Variants in TMEM62 observed in about 807,000 individuals in gnomAD.
The protein encoded by TMEM62 is transmembrane protein 62.
In TMEM62, 41 loss-of-function variants were observed where a neutral mutation model predicts 70.4. The ratio of observed to expected loss-of-function variants is 0.58; its 90% CI spans 0.45 to 0.76. The LOEUF is 0.76. Ranked by LOEUF, TMEM62 falls within the 30% of genes least tolerant of loss-of-function variation. The probability of loss-of-function intolerance (pLI) is 0.00; values close to 1 mark genes in which losing one functional copy is unlikely to be tolerated. For missense variants in TMEM62, 688 were observed against 788.5 expected (o/e 0.87, Z 1.53); for synonymous variants, 268 against 291.0 (o/e 0.92, Z 0.80).
At chr15:43,150,905 T>C (rs1341196276) in intron 7 of TMEM62, among the ~76,000 whole-genome samples, 1 of 152,262 alleles carries the variant, frequency 6.6e-6, no homozygotes, top group Non-Finnish European at 1.5e-5. Context: ...TGAGCACTAT[T>C]GTTTCTGCCA....
Position 43,138,590 on chromosome 15 carries a change from A to C in TMEM62, c.447A>C (p.Pro149=). 6.2e-7 allele frequency: 1 copy of C among 1,600,982 alleles called. No individual in the cohort carries two copies. Among genetic ancestry groups the C allele is most frequent in the South Asian group, 1.1e-5 (1 of 89,970 alleles). ...TTAAATTAGATGCATTCAATATTCC[A>C]AGTCTGGACAGCATCAAGAATTATT... ...IKGNHDAFNI[P]SLDSIKNYYR... Residue 149 remains proline, a synonymous_variant, in exon 4 of 14, where the codon CCA becomes CCC. Coordinates refer to ENST00000260403, the MANE Select transcript of TMEM62 (RefSeq NM_024956.4).
chr15:43,134,197 C>A (rs2034843945), intron 1 of TMEM62, 60 bp from the exon 2 acceptor site: 3 of 1,562,730 alleles, frequency 1.9e-6, no homozygotes, highest in African/African-American at 2.7e-5. Flanking sequence ...GCTGAGCCGC[C>A]CCTCCCCATG....
At position 43,134,266 on chromosome 15, in the gene TMEM62, A is replaced by T. The variant is rs1372032639; in HGVS notation, c.190A>T (p.Ile64Phe). Residue 64 changes from isoleucine to phenylalanine, a missense_variant, in exon 2 of 14, where the codon ATT (isoleucine) becomes TTT (phenylalanine). Coordinates refer to ENST00000260403, the MANE Select transcript of TMEM62 (RefSeq NM_024956.4). ...TACCTGTTTTCGGCAGATATCCGAC[A>T]TTCACCTGAGCAGGTTTCGAGATCC... ...NIFWGLQISD[I>F]HLSRFRDPGR... 6.2e-7 allele frequency: 1 copy of T among 1,614,038 alleles called. No homozygotes were observed. The highest frequency in any genetic ancestry group is 1.3e-5 in the African/African-American group (1 of 74,930).
At chr15:43,154,641 A>G (rs1040427560) in intron 8 of TMEM62, 31 bp from the exon 9 acceptor site, 4 of 1,575,364 alleles carry the variant, frequency 2.5e-6, no homozygotes, top group Non-Finnish European at 2.6e-6. Context: ...CAAACCTCAA[A>G]CCATGTGTTT....
chr15:43,183,308 C>A (rs980918218), intron 13 of TMEM62, among the ~76,000 whole-genome samples: 1 of 152,222 alleles, frequency 6.6e-6, no homozygotes, highest in African/African-American at 2.4e-5. Context: ...TGCCTCCTTA[C>A]TCTCAGCTTA....
At chr15:43,169,309 T>G (rs1376036541) in intron 10 of TMEM62, among the ~76,000 whole-genome samples, 2 of 152,228 alleles carry the variant, frequency 1.3e-5, no homozygotes, top group Non-Finnish European at 2.9e-5. Context: ...GGGCTTGTTA[T>G]GAATAACAAT....
At position 43,133,868 on chromosome 15, in the gene TMEM62, C is replaced by A; in HGVS notation, c.66C>A (p.Leu22=). 1 of 1,497,536 alleles carries A rather than the reference C, an allele frequency of 6.7e-7. No homozygotes were observed. The highest frequency in any genetic ancestry group is 1.5e-5 in the African/African-American group (1 of 68,960). 92.8% of individuals were successfully genotyped at this position (1,497,536 alleles called of 1,614,324 possible). A position where few individuals can be genotyped will look rare whatever the true frequency, so the allele number is the denominator to read the frequency against. ...GLAAAALVAM[L]LEHYGLAGQP... ...CGGCCGCAGCGCTGGTGGCCATGCTCTTGGAGCACTACGGCCTGGCGGGCC... is the reference window on the plus strand; with the variant it reads ...CGGCCGCAGCGCTGGTGGCCATGCTATTGGAGCACTACGGCCTGGCGGGCC... Residue 22 remains leucine (L), a synonymous_variant, in exon 1 of 14, where the codon CTC becomes CTA. Transcript: ENST00000260403.
chr15:43,162,548 C>T (rs2038874323), intron 10 of TMEM62, among the ~76,000 whole-genome samples: 1 of 151,956 alleles, frequency 6.6e-6, no homozygotes, highest in Non-Finnish European at 1.5e-5. Context: ...TCTCTTACCT[C>T]AGTCTCCTGA....
intron 5 of TMEM62, among the ~76,000 whole-genome samples, chr15:43,147,742 T>C (rs2036853300): frequency 6.6e-6 from 1 of 152,216 alleles, no homozygotes; most frequent in African/African-American, 2.4e-5. Context: ...TTGATGAACT[T>C]ATATTAAATC....
intron 4 of TMEM62, among the ~76,000 whole-genome samples, chr15:43,141,163 C>T (rs1231661283): frequency 6.6e-6 from 1 of 152,210 alleles, no homozygotes; most frequent in East Asian, 1.9e-4. Flanking sequence ...GGGAGAAGCA[C>T]TGAATGAAAT....
chr15:43,164,184 A>G (rs1252558496), intron 10 of TMEM62, among the ~76,000 whole-genome samples: 2 of 152,220 alleles, frequency 1.3e-5, no homozygotes, highest in African/African-American at 2.4e-5. Flanking sequence ...TGCTGAAGCA[A>G]TTTATAATTT....
intron 9 of TMEM62, among the ~76,000 whole-genome samples, chr15:43,157,463 A>G (rs979389592): frequency 1.3e-5 from 2 of 152,210 alleles, no homozygotes; most frequent in South Asian, 2.1e-4. Flanking sequence ...AAACAATAAC[A>G]TAGTTTAATA....
At chr15:43,146,410 G>A in intron 4 of TMEM62, 83 bp from the exon 5 acceptor site, 2 of 1,304,088 alleles carry the variant, frequency 1.5e-6, no homozygotes, top group Non-Finnish European at 2.1e-6. Flanking sequence ...TTCAAAGGAA[G>A]GTAAAATCTA....
chr15:43,172,080 A>G (rs1223096326), intron 11 of TMEM62, among the ~76,000 whole-genome samples: 4 of 152,188 alleles, frequency 2.6e-5, no homozygotes, highest in Non-Finnish European at 5.9e-5. Context: ...GGAGTTTACT[A>G]TTTACTAATA....
chr15:43,171,524 CAAAA>C (rs200614734), intron 11 of TMEM62, among the ~76,000 whole-genome samples: 1 of 148,320 alleles, frequency 6.7e-6, no homozygotes. Flanking sequence ...TACCATAAGA[CAAAA>C]AAATTACTTA....
At chr15:43,181,090 C>G in intron 12 of TMEM62, 91 bp from the exon 13 acceptor site, 4 of 854,770 alleles carry the variant, frequency 4.7e-6, no homozygotes, top group Non-Finnish European at 7.9e-6. Context: ...TCTCATATCT[C>G]TGCTTTATTC....
chr15:43,162,596 TA>T (rs1412619025), intron 10 of TMEM62, among the ~76,000 whole-genome samples: 5 of 151,898 alleles, frequency 3.3e-5, no homozygotes, highest in Non-Finnish European at 5.9e-5. Flanking sequence ...CATGCCCGGC[TA>T]ATTTTTGTAT....
At position 43,135,533 on chromosome 15, in the gene TMEM62, C is replaced by T. The variant is rs539515162; in HGVS notation, c.314C>T (p.Thr105Ile). ...LATGDLTDAK[T>I]KEQLGSRQHE... ...ACAGGAGACCTGACAGATGCCAAAA[C>T]AAAGGAACAGTTGGGATCCAGGCAG... Residue 105 changes from threonine (T) to isoleucine (I), a missense_variant, in exon 3 of 14, where the codon ACA becomes ATA. Physicochemically the swap from Thr to Ile is moderately conservative, Grantham distance 89. Coordinates refer to ENST00000260403, the MANE Select transcript of TMEM62 (RefSeq NM_024956.4). 1.2e-5 allele frequency: 20 copies of T among 1,606,314 alleles called. No individual in the cohort carries two copies. The African/African-American group carries it at 1.6e-4, about 13-fold the overall frequency.
chr15:43,148,997 T>A (rs1171497750), intron 6 of TMEM62, 32 bp from the exon 7 acceptor site: 1 of 1,611,778 alleles, frequency 6.2e-7, no homozygotes, highest in Non-Finnish European at 8.5e-7. Flanking sequence ...GTTATCTTTG[T>A]TCATTTATTT....
Sources: allele counts gnomAD v4.1 joint callset (sites outside exome capture counted in the v4.1 genomes callset), GRCh38; gene constraint gnomAD v4.1.1; transcripts MANE v1.5; gene names NCBI Gene and HGNC (gene_info 2026-07-23, HGNC 2026-07-21).